DLG1: variants seen among roughly 807,000 people sequenced by gnomAD.
DLG1 encodes the protein disks large homolog 1.
DLG1 carries 42 observed loss-of-function variants against 123.4 expected under a neutral mutation model. The ratio of observed to expected loss-of-function variants is 0.34; its 90% CI spans 0.27 to 0.44. The LOEUF (loss-of-function observed/expected upper bound fraction) is 0.44. DLG1 is among the 20% of genes least tolerant of loss of function. The pLI is 1.00. For synonymous variants in DLG1, 317 were observed against 356.2 expected, an observed-to-expected ratio of 0.89 and a Z score of 1.24; for missense variants, 942 against 1,082.6, an observed-to-expected ratio of 0.87 and a Z score of 1.82.
At chr3:197,278,682 T>G (rs1767725032) in intron 4 of DLG1, among the ~76,000 whole-genome samples, 1 of 151,578 alleles carries the variant, frequency 6.6e-6, no homozygotes, top group African/African-American at 2.4e-5. Flanking sequence ...ACAAACAAAG[T>G]TATAAGGTCA....
intron 17 of DLG1, chr3:197,080,566 A>T (rs1292527877): frequency 2.7e-5 from 4 of 146,344 alleles, no homozygotes; most frequent in African/African-American, 1.0e-4. Flanking sequence ...GGTTCAAGTG[A>T]TTCTTGTGCC....
intron 8 of DLG1, 147 bp from the exon 9 acceptor site, chr3:197,138,538 A>C (rs1345661643): frequency 3.1e-6 from 1 of 318,016 alleles, no homozygotes; most frequent in Non-Finnish European, 5.2e-6. Flanking sequence ...TAAATGAAGA[A>C]AGTATATCAA....
rs753433108 is a variant in DLG1 at position 197,245,888 on chromosome 3, CTTT to C, written c.318+36788_318+36790del. 5.1e-3 allele frequency among the ~76,000 whole-genome samples: 325 copies of C among 63,404 alleles called. 4 individuals carry two copies. The highest frequency in any genetic ancestry group is 7.4e-3 in the Non-Finnish European group (249 of 33,632). 41.6% of individuals were successfully genotyped at this position (63,404 alleles called of 152,430 possible). ...TTGATGTCCTGGGACATGGACAATA[CTTT>C]TTTTTTTTTGGGGGGGGGGGAGGTG... On this transcript the variant is annotated intron_variant, in intron 4 of 24. Transcript: ENST00000667157.
At chr3:197,054,637 CATCTTTTTTTTCCTTT>C (rs1730407886) in intron 23 of DLG1, among the ~76,000 whole-genome samples, 1 of 151,572 alleles carries the variant, frequency 6.6e-6, no homozygotes, top group African/African-American at 2.4e-5. Context: ...GTATCTTTTT[CATCTTTTTTTTCCTTT>C]ATCTTTTTGG....
In DLG1 at chr3:197,107,698, C is replaced by T. The variant is rs934596009; in HGVS notation, c.1444-2693G>A. On this transcript the variant is annotated intron_variant, in intron 13 of 24. Coordinates refer to ENST00000667157, the MANE Select transcript of DLG1 (RefSeq NM_001366207.1). ...TCTATCCTGCAAATTTAACTGAACT[C>T]ATTTATTAGCTTGACAGTCTGTTGT... 2.6e-5 allele frequency among the ~76,000 whole-genome samples: 4 copies of T among 151,916 alleles called. No individual in the cohort carries two copies. In the South Asian group the frequency reaches 8.3e-4, roughly 32 times the overall value.
chr3:197,200,348 AC>A (rs926224372), intron 4 of DLG1, among the ~76,000 whole-genome samples: 2 of 152,216 alleles, frequency 1.3e-5, no homozygotes, highest in Non-Finnish European at 2.9e-5. Flanking sequence ...AATATTTGGT[AC>A]CACATATTGT....
At chr3:197,078,010 C>T (rs1748407455) in intron 17 of DLG1, among the ~76,000 whole-genome samples, 2 of 151,768 alleles carry the variant, frequency 1.3e-5, no homozygotes, top group South Asian at 4.2e-4. Context: ...GCATGTGATG[C>T]CAGGTAATTA....
At position 197,086,671 on chromosome 3, in the gene DLG1, G is replaced by A. The variant is rs1027389708; in HGVS notation, c.1662-915C>T. On this transcript the variant is annotated intron_variant, in intron 15 of 24. Coordinates refer to ENST00000667157, the MANE Select transcript of DLG1 (RefSeq NM_001366207.1). ...ACTAGTAGTTAATGGTTTTTCAAAT[G>A]AGTTCTTTCAAGTCTTTTCGTGGGG... 7.2e-5 allele frequency among the ~76,000 whole-genome samples: 11 copies of A among 152,272 alleles called. No homozygotes were observed. The East Asian group carries it at 1.9e-3, about 27-fold the overall frequency.
chr3:197,058,277 G>A (rs1184557324), intron 23 of DLG1, among the ~76,000 whole-genome samples: 2 of 152,082 alleles, frequency 1.3e-5, no homozygotes, highest in Admixed American at 6.6e-5. Flanking sequence ...GTTGTGCCCC[G>A]CCTTCTTTTT....
At chr3:197,110,730 G>A (rs1177540584) in intron 13 of DLG1, among the ~76,000 whole-genome samples, 1 of 152,118 alleles carries the variant, frequency 6.6e-6, no homozygotes, top group Non-Finnish European at 1.5e-5. Context: ...GGCCACTGAG[G>A]TCTCTGTCTG....
chr3:197,221,683 T>C (rs2150511226), intron 4 of DLG1, among the ~76,000 whole-genome samples: 1 of 152,336 alleles, frequency 6.6e-6, no homozygotes, highest in East Asian at 1.9e-4. Flanking sequence ...ACACATTACT[T>C]GACAAGTTCT....
intron 15 of DLG1, 63 bp from the exon 16 acceptor site, chr3:197,085,819 GT>G: frequency 6.8e-7 from 1 of 1,466,798 alleles, no homozygotes. Context: ...ATATCATAGG[GT>G]TCTGAAAGTA....
At chr3:197,267,421 G>A (rs1266129925) in intron 4 of DLG1, among the ~76,000 whole-genome samples, 1 of 152,066 alleles carries the variant, frequency 6.6e-6, no homozygotes, top group Non-Finnish European at 1.5e-5. Context: ...TTGGGCCTCT[G>A]TTCCCTTCTT....
chr3:197,195,939 G>C (rs986577962), intron 4 of DLG1, among the ~76,000 whole-genome samples: 11 of 150,672 alleles, frequency 7.3e-5, no homozygotes, highest in African/African-American at 2.4e-4. Context: ...TCTTTAGTGA[G>C]AGAAAAAAAA....
At chr3:197,228,672 T>G (rs973408978) in intron 4 of DLG1, among the ~76,000 whole-genome samples, 14 of 152,226 alleles carry the variant, frequency 9.2e-5, no homozygotes, top group African/African-American at 2.9e-4. Flanking sequence ...TTTGAAACTC[T>G]GAGTGGATCT....
At chr3:197,224,640 T>C (rs1738842328) in intron 4 of DLG1, among the ~76,000 whole-genome samples, 2 of 152,224 alleles carry the variant, frequency 1.3e-5, no homozygotes, top group Admixed American at 1.3e-4. Flanking sequence ...ATCATTTCCA[T>C]TTCCTATTTC....
intron 4 of DLG1, among the ~76,000 whole-genome samples, chr3:197,208,520 C>T (rs1729754840): frequency 6.8e-6 from 1 of 146,550 alleles, no homozygotes; most frequent in Non-Finnish European, 1.5e-5. Flanking sequence ...TATCCAGTAA[C>T]AATGAACTTG....
chr3:197,098,164 T>C (rs1323112731), intron 14 of DLG1, among the ~76,000 whole-genome samples: 1 of 152,206 alleles, frequency 6.6e-6, no homozygotes, highest in Non-Finnish European at 1.5e-5. Flanking sequence ...GAGTTCCTAG[T>C]TTCCCTTCAT....
intron 24 of DLG1, among the ~76,000 whole-genome samples, chr3:197,046,234 C>A (rs1490540528): frequency 6.6e-6 from 1 of 152,056 alleles, no homozygotes; most frequent in Non-Finnish European, 1.5e-5. Flanking sequence ...TATTTTAGAG[C>A]ATTTCATAGT....
Sources: gnomAD v4.1 joint callset for allele counts (sites outside exome capture counted in the v4.1 genomes callset) on GRCh38, gnomAD v4.1.1 for gene constraint, MANE v1.5 for transcripts, NCBI Gene and HGNC (gene_info 2026-07-23, HGNC 2026-07-21) for gene names.